The following DOK5 variants were observed in gnomAD, a reference collection of about 807,000 sequenced individuals.
The protein encoded by DOK5 is docking protein 5, also known as downstream of tyrosine kinase 5.
In DOK5, 27 loss-of-function variants were observed where a neutral mutation model predicts 43.3. That is an observed-to-expected ratio of 0.62 (90% confidence interval 0.46 to 0.86). The LOEUF (loss-of-function observed/expected upper bound fraction) is 0.86, where lower values mean the gene tolerates loss of function less well. Among genes scored for constraint, DOK5 ranks in the 40% least tolerant of loss-of-function variants. The pLI, the probability that DOK5 is intolerant of heterozygous loss-of-function variation, is 0.00. For synonymous variants in DOK5, 146 were observed against 140.1 expected, an observed-to-expected ratio of 1.04 and a Z score of -0.30; for missense variants, 373 against 392.9, an observed-to-expected ratio of 0.95 and a Z score of 0.43.
chr20:54,626,632 C>T (rs552732914), intron 6 of DOK5, among the ~76,000 whole-genome samples: 1 of 152,218 alleles, frequency 6.6e-6, no homozygotes, highest in East Asian at 1.9e-4. Flanking sequence ...CCATGTTTTC[C>T]TGTGTACCCA....
rs370837846 is a variant in DOK5 at position 54,545,944 on chromosome 20, A to G, written c.67-8989A>G. On this transcript the variant is annotated intron_variant, in intron 1 of 7. Transcript: ENST00000262593. ...ACTAAGTGTCTCTTTTTAGATTATGATAAGCATGAAAATAAACTTCTTACA... is the reference window on the plus strand; with the variant it reads ...ACTAAGTGTCTCTTTTTAGATTATGGTAAGCATGAAAATAAACTTCTTACA... Among the ~76,000 whole-genome samples, 448 of 152,356 alleles carry G rather than the reference A, an allele frequency of 2.9e-3. 4 individuals carry two copies. The highest frequency in any genetic ancestry group is 0.01 in the African/African-American group (423 of 41,584).
At chr20:54,500,864 G>A (rs1230256953) in intron 1 of DOK5, among the ~76,000 whole-genome samples, 1 of 151,918 alleles carries the variant, frequency 6.6e-6, no homozygotes, top group Admixed American at 6.6e-5. Flanking sequence ...ACCCGGCCGT[G>A]TATATTTTTA....
At chr20:54,501,612 G>A (rs1296401612) in intron 1 of DOK5, among the ~76,000 whole-genome samples, 2 of 151,920 alleles carry the variant, frequency 1.3e-5, no homozygotes, top group African/African-American at 4.8e-5. Context: ...CCCAAACTAA[G>A]TAATAAAACA....
intron 1 of DOK5, among the ~76,000 whole-genome samples, chr20:54,532,023 A>G (rs1983791003): frequency 6.6e-6 from 1 of 152,204 alleles, no homozygotes; most frequent in African/African-American, 2.4e-5. Flanking sequence ...TTGAATACCT[A>G]CAGTATGGTG....
intron 1 of DOK5, among the ~76,000 whole-genome samples, chr20:54,495,621 T>A (rs899907181): frequency 6.6e-6 from 1 of 152,232 alleles, no homozygotes; most frequent in African/African-American, 2.4e-5. Context: ...CTGGGCGCAG[T>A]GGCTCACGCC....
At chr20:54,648,380 A>G (rs6014106) in intron 7 of DOK5, among the ~76,000 whole-genome samples, 88,307 of 151,992 alleles carry the variant, frequency 0.58, 29,741 homozygotes, top group East Asian at 1. Context: ...TATATGGAAC[A>G]GTGGAAAAGA....
At chr20:54,610,188 G>C (rs1368797695) in intron 5 of DOK5, among the ~76,000 whole-genome samples, 200 bp from the exon 6 acceptor site, 1 of 152,252 alleles carries the variant, frequency 6.6e-6, no homozygotes, top group Non-Finnish European at 1.5e-5. Context: ...TTAGCCTGGA[G>C]TCCCTTGGTC....
Position 54,588,742 on chromosome 20 carries a change from G to C in DOK5, c.345G>C (p.Arg115=). 3 of 1,614,000 alleles carry C rather than the reference G, an allele frequency of 1.9e-6. No homozygotes were observed. The highest frequency in any genetic ancestry group is 2.5e-6 in the Non-Finnish European group (3 of 1,179,956). Residue 115 remains arginine, a synonymous_variant, in exon 4 of 8, where the codon CGG becomes CGC. Transcript: ENST00000262593. Reference sequence around the variant, plus strand: ...TCCAGATGGAGTGTGTAGGAACACGGATCAATGACATCAGCCTTGGAGAGC... The same window carrying C: ...TCCAGATGGAGTGTGTAGGAACACGCATCAATGACATCAGCCTTGGAGAGC... ...KVLQMECVGT[R]INDISLGEPD... is the part of the protein sequence containing the mutation.
intron 1 of DOK5, among the ~76,000 whole-genome samples, chr20:54,521,917 G>A (rs1303473355): frequency 6.6e-6 from 1 of 152,152 alleles, no homozygotes; most frequent in Admixed American, 6.5e-5. Context: ...AGGGGTTTGG[G>A]AGTCTCTGTG....
Position 54,589,300 on chromosome 20 carries a change from T to A in DOK5, c.409+494T>A, listed in dbSNP as rs558246678. The stretch of plus-strand genomic sequence containing the variant: ...TGGGCATTTTTTGGTCATGCCTTTT[T>A]CACTTAAAATGTTATCAACAACTTT... On this transcript the variant is annotated intron_variant, in intron 4 of 7. Coordinates refer to ENST00000262593, the MANE Select transcript of DOK5 (RefSeq NM_018431.5). Among the ~76,000 whole-genome samples, 563 of 152,322 alleles carry A rather than the reference T, an allele frequency of 3.7e-3. 3 individuals carry two copies. Among genetic ancestry groups the A allele is most frequent in the African/African-American group, 0.013 (553 of 41,570 alleles).
At chr20:54,545,027 C>A (rs1362954358) in intron 1 of DOK5, among the ~76,000 whole-genome samples, 3 of 152,148 alleles carry the variant, frequency 2.0e-5, no homozygotes, top group Non-Finnish European at 4.4e-5. Context: ...CCATTTAGTT[C>A]TGAAGAAAAG....
intron 6 of DOK5, among the ~76,000 whole-genome samples, chr20:54,614,457 C>G (rs1986744474): frequency 6.6e-6 from 1 of 152,092 alleles, no homozygotes; most frequent in African/African-American, 2.4e-5. Flanking sequence ...CCATTAGATC[C>G]CTTTAGGCAC....
intron 1 of DOK5, among the ~76,000 whole-genome samples, chr20:54,497,664 G>A (rs2146675063): frequency 6.6e-6 from 1 of 152,316 alleles, no homozygotes; most frequent in South Asian, 2.1e-4. Context: ...TGGCACAAAT[G>A]TGTCCACATA....
intron 1 of DOK5, among the ~76,000 whole-genome samples, chr20:54,552,948 T>A (rs943900038): frequency 6.6e-6 from 1 of 152,266 alleles, no homozygotes; most frequent in Non-Finnish European, 1.5e-5. Flanking sequence ...AAGAGGTTTT[T>A]AAATTGACTA....
rs986954969 is a variant in DOK5, at chr20:54,485,070, G to A, written c.66+9058G>A. Among the ~76,000 whole-genome samples, 10 of 152,156 alleles carry A rather than the reference G, an allele frequency of 6.6e-5. No individual in the cohort carries two copies. In the South Asian group the frequency reaches 1.5e-3, roughly 22 times the overall value. ...ATGTAGGCTGGGCATGATGGCTCACGCCTGTAATCCCAGCACTTTGGGAGG... is the reference window on the plus strand; with the variant it reads ...ATGTAGGCTGGGCATGATGGCTCACACCTGTAATCCCAGCACTTTGGGAGG... On this transcript the variant is annotated intron_variant, in intron 1 of 7. Coordinates refer to ENST00000262593, the MANE Select transcript of DOK5 (RefSeq NM_018431.5).
chr20:54,512,997 A>G (rs1983062874), intron 1 of DOK5, among the ~76,000 whole-genome samples: 1 of 152,126 alleles, frequency 6.6e-6, no homozygotes, highest in Non-Finnish European at 1.5e-5. Context: ...CCCCTTATAC[A>G]CCAGCAGATC....
chr20:54,539,546 T>G (rs1472666133), intron 1 of DOK5, among the ~76,000 whole-genome samples: 2 of 152,186 alleles, frequency 1.3e-5, no homozygotes, highest in Admixed American at 1.3e-4. Context: ...GACTCAACTA[T>G]TATCTCCAAA....
Position 54,510,359 on chromosome 20 carries a change from G to A in DOK5, c.66+34347G>A, listed in dbSNP as rs62214388. Among the ~76,000 whole-genome samples the A allele has an allele frequency of 8.2e-3, 1,247 of 152,114 alleles. 10 individuals carry two copies. The highest frequency in any genetic ancestry group is 0.028 in the African/African-American group (1,172 of 41,494). On this transcript the variant is annotated intron_variant, in intron 1 of 7. Coordinates refer to ENST00000262593, the MANE Select transcript of DOK5 (RefSeq NM_018431.5). ...TAAATAGCATAACATTTTAAAAACA[G>A]CTGATTTTAATCTTTGTACTTGTAC...
At chr20:54,590,670 T>G (rs1299087506) in intron 4 of DOK5, among the ~76,000 whole-genome samples, 1 of 152,212 alleles carries the variant, frequency 6.6e-6, no homozygotes, top group African/African-American at 2.4e-5. Flanking sequence ...TACTATTTAC[T>G]AAATTCAACT....
Sources: allele counts gnomAD v4.1 joint callset (sites outside exome capture counted in the v4.1 genomes callset), GRCh38; gene constraint gnomAD v4.1.1; transcripts MANE v1.5; gene names NCBI Gene and HGNC (gene_info 2026-07-23, HGNC 2026-07-21).